The following LRIF1 variants were observed in gnomAD, a reference collection of about 807,000 sequenced individuals.
LRIF1 encodes ligand-dependent nuclear receptor-interacting factor 1.
Under a neutral mutation model 52.7 loss-of-function variants are expected in LRIF1, and 32 were observed. The ratio of observed to expected loss-of-function variants is 0.61; its 90% CI spans 0.46 to 0.82. LRIF1 has a LOEUF of 0.82. Among genes scored for constraint, LRIF1 ranks in the 40% least tolerant of loss-of-function variants. The probability of loss-of-function intolerance (pLI) is 0.00; values close to 1 mark genes in which losing one functional copy is unlikely to be tolerated. For synonymous variants in LRIF1, 323 were observed against 317.4 expected, an observed-to-expected ratio of 1.02 and a Z score of -0.19; for missense variants, 887 against 892.0, an observed-to-expected ratio of 0.99 and a Z score of 0.07.
chr1:110,899,490 A>G, the LRIF1 span: 4 of 289,946 alleles, frequency 1.4e-5, no homozygotes, highest in Admixed American at 5.0e-5. Flanking sequence ...TAATGGCCCA[A>G]CATCAAAGGG....
At chr1:110,896,973 A>T in the LRIF1 span, among the ~76,000 whole-genome samples, 1 of 152,176 alleles carries the variant, frequency 6.6e-6, no homozygotes, top group Non-Finnish European at 1.5e-5. Context: ...ATTAGAGGGG[A>T]ACAGTTACTT....
At chr1:110,888,227 C>T in the LRIF1 span, among the ~76,000 whole-genome samples, 2 of 152,152 alleles carry the variant, frequency 1.3e-5, no homozygotes, top group African/African-American at 4.8e-5. Flanking sequence ...TGCTAAGGCA[C>T]GAAGTTTGTG....
chr1:110,936,170 C>T, the LRIF1 span, among the ~76,000 whole-genome samples: 1 of 152,136 alleles, frequency 6.6e-6, no homozygotes, highest in African/African-American at 2.4e-5. Context: ...CTTTCATCAA[C>T]ACCAGGTCTA....
At chr1:110,897,773 T>C in the LRIF1 span, 1 of 1,249,878 alleles carries the variant, frequency 8.0e-7, no homozygotes, top group South Asian at 1.2e-5. Context: ...GGTGGAATTA[T>C]AGAGTAGTAT....
the LRIF1 span, among the ~76,000 whole-genome samples, chr1:110,882,659 T>C: frequency 9.7e-4 from 148 of 152,196 alleles, 2 homozygotes; most frequent in East Asian, 0.023. Context: ...TTTGGAAGAA[T>C]TGACATCTTA....
chr1:110,949,685 G>T (rs1415711772), intron 3 of LRIF1, among the ~76,000 whole-genome samples, 166 bp downstream of exon 3: 1 of 152,168 alleles, frequency 6.6e-6, no homozygotes, highest in East Asian at 1.9e-4. Flanking sequence ...CTTCCAAAGT[G>T]CTGGGGCCTG....
chr1:110,899,248 C>G, the LRIF1 span: 1 of 1,277,800 alleles, frequency 7.8e-7, no homozygotes, highest in African/African-American at 1.4e-5. Flanking sequence ...AAATGCAAAA[C>G]CATTTATAGC....
the LRIF1 span, among the ~76,000 whole-genome samples, chr1:110,886,869 A>ATATATAT: frequency 6.2e-4 from 51 of 82,774 alleles, no homozygotes; most frequent in East Asian, 1.0e-3. Context: ...ATATATATAT[A>ATATATAT]TTTTTTTTTT....
rs535968947 is a variant in LRIF1, at chr1:110,958,389, T to C, written c.68+5232A>G. On this transcript the variant is annotated intron_variant, in intron 1 of 3. Coordinates refer to ENST00000369763, the MANE Select transcript of LRIF1 (RefSeq NM_018372.4). ...ACTTGGAATCCCGAATGTACTCCCA[T>C]TGGTGCTATTAATGTTGGAAATTAT... is the stretch of plus-strand genomic sequence containing the variant. Among the ~76,000 whole-genome samples the C allele has an allele frequency of 1.5e-4, 23 of 152,332 alleles. No homozygotes were observed. The South Asian group carries it at 3.9e-3, about 26-fold the overall frequency.
At chr1:110,902,495 TAAAAA>T in the LRIF1 span, among the ~76,000 whole-genome samples, 11 of 72,662 alleles carry the variant, frequency 1.5e-4, no homozygotes, top group African/African-American at 7.0e-4. Context: ...AATCAATCAC[TAAAAA>T]AAAAAAAAAA....
At chr1:110,949,618 T>A (rs562656286) in intron 3 of LRIF1, among the ~76,000 whole-genome samples, 1 of 150,872 alleles carries the variant, frequency 6.6e-6, no homozygotes, top group Non-Finnish European at 1.5e-5. Context: ...CGGGGTTTCA[T>A]CATGTTGGTC....
chr1:110,916,999 C>T, the LRIF1 span, among the ~76,000 whole-genome samples: 1 of 152,196 alleles, frequency 6.6e-6, no homozygotes, highest in Admixed American at 6.5e-5. Flanking sequence ...AGTGAAACTG[C>T]AGTCATGTTT....
At chr1:110,883,971 G>T in the LRIF1 span, among the ~76,000 whole-genome samples, 4 of 151,892 alleles carry the variant, frequency 2.6e-5, no homozygotes, top group Non-Finnish European at 4.4e-5. Context: ...TTCTAAAAGA[G>T]CCAACTTTTG....
the LRIF1 span, among the ~76,000 whole-genome samples, chr1:110,885,355 G>A: frequency 1.8e-4 from 27 of 151,936 alleles, no homozygotes; most frequent in East Asian, 4.8e-3. Context: ...TCGAGACCAC[G>A]GGGAAACCCC....
the LRIF1 span, among the ~76,000 whole-genome samples, chr1:110,903,241 C>A: frequency 6.6e-6 from 1 of 152,250 alleles, no homozygotes; most frequent in East Asian, 1.9e-4. Context: ...TGAACCAGGC[C>A]CAGAGACAGT....
At position 110,952,298 on chromosome 1, in the gene LRIF1, C is replaced by A; in HGVS notation, c.586G>T (p.Val196Leu). The change falls in exon 2 of 4, where the codon GTA becomes TTA. Residue 196 changes from valine (V) to leucine (L), a missense_variant. Transcript: ENST00000369763. Reference sequence around the variant, plus strand: ...GAAGGAGGCAATGATGACGCTGGTACAGATTTCACTTCAGCATGGGCTGGA... The same window carrying A: ...GAAGGAGGCAATGATGACGCTGGTAAAGATTTCACTTCAGCATGGGCTGGA... ...QIPAHAEVKS[V>L]PASSLPPSVQ... The A allele has an allele frequency of 6.2e-7, 1 of 1,614,154 alleles. No homozygotes were observed. Among genetic ancestry groups the A allele is most frequent in the Non-Finnish European group, 8.5e-7 (1 of 1,180,010 alleles).
At chr1:110,935,465 G>T in the LRIF1 span, among the ~76,000 whole-genome samples, 6 of 152,186 alleles carry the variant, frequency 3.9e-5, no homozygotes, top group African/African-American at 1.4e-4. Context: ...TTCAGAATTT[G>T]ATCAGATATG....
At chr1:110,896,526 A>T in the LRIF1 span, 3 of 808,288 alleles carry the variant, frequency 3.7e-6, no homozygotes, top group Non-Finnish European at 6.2e-6. Context: ...AGCCCATAGC[A>T]ATCAGACCAA....
chr1:110,894,849 C>A, the LRIF1 span: 1 of 779,544 alleles, frequency 1.3e-6, no homozygotes, highest in Non-Finnish European at 2.3e-6. Context: ...TCTGAGGAGA[C>A]CATTTGGAAG....
Sources: allele counts gnomAD v4.1 joint callset (sites outside exome capture counted in the v4.1 genomes callset), GRCh38; gene constraint gnomAD v4.1.1; transcripts MANE v1.5; gene names NCBI Gene and HGNC (gene_info 2026-07-23, HGNC 2026-07-21).